MTOR: variants seen among roughly 807,000 people sequenced by gnomAD.
MTOR encodes serine/threonine-protein kinase mTOR.
A neutral mutation model predicts 319.8 loss-of-function variants in MTOR; 70 were observed. The observed-to-expected ratio is 0.22, with a 90% CI of 0.18 to 0.27. The LOEUF is 0.27. Among genes scored for constraint, MTOR ranks in the 10% least tolerant of loss-of-function variants. The pLI is 1.00. For missense variants in MTOR, 1,890 were observed against 3,274.4 expected (o/e 0.58, Z 10.32); for synonymous variants, 1,183 against 1,211.4 (o/e 0.98, Z 0.49).
intron 46 of MTOR, 98 bp from the exon 47 acceptor site, chr1:11,124,731 G>T: frequency 2.3e-6 from 3 of 1,312,004 alleles, no homozygotes; most frequent in Non-Finnish European, 2.1e-6. Context: ...GACTACATAT[G>T]CCTTACCTAA....
intron 54 of MTOR, chr1:11,111,678 A>C (rs1015285315): frequency 2.0e-5 from 3 of 153,398 alleles, no homozygotes; most frequent in Non-Finnish European, 4.3e-5. Context: ...TATTTCACGC[A>C]GGTTATGGTC....
In MTOR at chr1:11,128,093, A is replaced by T. The variant is rs2100414047; in HGVS notation, c.5944T>A (p.Ser1982Thr). ...LIYPLTVASK[S>T]TTTARHNAAN... ...GCATTGTGCCGGGCTGTCGTGGTAGACTTAGAAGCCACTGTCAGTGGGTAG... is the reference window on the plus strand; with the variant it reads ...GCATTGTGCCGGGCTGTCGTGGTAGTCTTAGAAGCCACTGTCAGTGGGTAG... Residue 1982 changes from serine (S) to threonine (T), a missense_variant, in exon 43 of 58, where the codon TCT (serine) becomes ACT (threonine). Transcript: ENST00000361445. This position sits in a 1 kb window ranked among gnomAD's most constrained non-coding sequence, Gnocchi z 5.3. The T allele has an allele frequency of 6.2e-7, 1 of 1,614,172 alleles. No homozygotes were observed. Among genetic ancestry groups the T allele is most frequent in the Non-Finnish European group, 8.5e-7 (1 of 1,180,022 alleles).
rs199814022 is a variant in MTOR at position 11,134,505 on chromosome 1, T to C, written c.5131-39A>G. 3 of 1,587,644 alleles carry C rather than the reference T, an allele frequency of 1.9e-6. No individual in the cohort carries two copies. The African/African-American group carries it at 4.0e-5, about 21-fold the overall frequency. On this transcript the variant is annotated intron_variant, in intron 36 of 57. Coordinates refer to ENST00000361445, the MANE Select transcript of MTOR (RefSeq NM_004958.4). ...AAGGCACAGAGAGCCACTTGGCTTG[T>C]GGCCCAGCTTCAGAGGAAGGGAGCT...
At chr1:11,122,452 C>T (rs867014800) in intron 47 of MTOR, among the ~76,000 whole-genome samples, 118 of 150,762 alleles carry the variant, frequency 7.8e-4, no homozygotes, top group Middle Eastern at 6.9e-3. Flanking sequence ...CCGCCTGCCT[C>T]GGCCTCCCAA....
chr1:11,223,042 A>C (rs1464466940), intron 19 of MTOR, among the ~76,000 whole-genome samples: 1 of 152,158 alleles, frequency 6.6e-6, no homozygotes, highest in Non-Finnish European at 1.5e-5. Context: ...AAAGAACAGA[A>C]CCTGAATCTA....
At chr1:11,197,628 A>G (rs1207846144) in intron 28 of MTOR, among the ~76,000 whole-genome samples, 2 of 152,114 alleles carry the variant, frequency 1.3e-5, no homozygotes, top group East Asian at 3.9e-4. Context: ...TGCAACCTCC[A>G]CCTCCCAGGT....
Position 11,108,197 on chromosome 1 carries a change from G to A in MTOR, c.7618C>T (p.Gln2540Ter). Residue 2540 changes from glutamine (Q) to a stop codon, truncating the protein, a stop_gained, in exon 57 of 58, where the codon CAG (glutamine) becomes TAG (stop). Transcript: ENST00000361445. LOFTEE classifies it high-confidence loss of function. ...CCCACTCACCAGCCAATATAGCACTGGCAGAGGTTTTCATGGGATGTCGCT... is the reference window on the plus strand; with the variant it reads ...CCCACTCACCAGCCAATATAGCACTAGCAGAGGTTTTCATGGGATGTCGCT... ...KQATSHENLC[Q>*]CYIGWCPFW The A allele has an allele frequency of 6.2e-7, 1 of 1,613,682 alleles. No individual in the cohort carries two copies. The highest frequency in any genetic ancestry group is 8.5e-7 in the Non-Finnish European group (1 of 1,179,694).
In MTOR at chr1:11,140,701, A is replaced by G. The variant is rs367664142; in HGVS notation, c.4873-1043T>C. Among the ~76,000 whole-genome samples, 50 of 152,338 alleles carry G rather than the reference A, an allele frequency of 3.3e-4. No homozygotes were observed. In the South Asian group the frequency reaches 8.3e-3, roughly 25 times the overall value. On this transcript the variant is annotated intron_variant, in intron 34 of 57. Transcript: ENST00000361445. ...GGAATAAAAATAGTACCAGTTTCAT[A>G]GGGATACGGTGAGGATTAAATAAAT...
At chr1:11,155,736 T>C (rs895957318) in intron 30 of MTOR, among the ~76,000 whole-genome samples, 1 of 152,218 alleles carries the variant, frequency 6.6e-6, no homozygotes, top group Non-Finnish European at 1.5e-5. Flanking sequence ...GGCTCCTTTG[T>C]TGATGGTATC....
intron 30 of MTOR, among the ~76,000 whole-genome samples, chr1:11,155,105 T>C (rs1462884155): frequency 2.6e-5 from 4 of 152,210 alleles, no homozygotes; most frequent in Admixed American, 2.6e-4. Flanking sequence ...AAGACTTGCT[T>C]TGATTTTGTC....
intron 36 of MTOR, among the ~76,000 whole-genome samples, chr1:11,138,689 G>A (rs1322601377): frequency 2.0e-5 from 3 of 152,196 alleles, no homozygotes; most frequent in Non-Finnish European, 4.4e-5. Context: ...AGCCAAAGCA[G>A]GTGATGACTT....
At chr1:11,193,754 C>T (rs1208039853) in intron 28 of MTOR, 13 of 1,614,164 alleles carry the variant, frequency 8.1e-6, no homozygotes, top group Non-Finnish European at 9.3e-6. Flanking sequence ...ACAGCCAACC[C>T]GGCTGCGTGT....
chr1:11,210,876 C>CT lies in MTOR; in HGVS notation c.3591dup (p.Val1198SerfsTer13). 1 of 1,613,744 alleles carries CT rather than the reference C, an allele frequency of 6.2e-7. No individual in the cohort carries two copies. Among genetic ancestry groups the CT allele is most frequent in the Admixed American group, 1.7e-5 (1 of 59,970 alleles). ...TGATTGATTCGGTGTCGCACCAGAA[C>CT]TTTATTCACCATTGGAATGAAAATT... On this transcript the variant is annotated frameshift_variant, in exon 24 of 58. Transcript: ENST00000361445. LOFTEE classifies it high-confidence loss of function.
At chr1:11,159,509 T>A (rs1644409673) in intron 29 of MTOR, among the ~76,000 whole-genome samples, 1 of 151,970 alleles carries the variant, frequency 6.6e-6, no homozygotes, top group Non-Finnish European at 1.5e-5. Flanking sequence ...AGCGTGGTGG[T>A]GCATGCCTGT....
rs766146018 is a variant in MTOR, at chr1:11,199,465, G to T, written c.4108-62C>A. ...GCAGATGGGGCACAAACAAGAGAAG[G>T]CTGTGTGGATGCTTCTCTCCTCCCA... On this transcript the variant is annotated intron_variant, in intron 27 of 57. Transcript: ENST00000361445. This position sits in a 1 kb window ranked among gnomAD's most constrained non-coding sequence, Gnocchi z 4.5. The T allele has an allele frequency of 6.2e-7, 1 of 1,613,586 alleles. No homozygotes were observed. Among genetic ancestry groups the T allele is most frequent in the Non-Finnish European group, 8.5e-7 (1 of 1,179,534 alleles).
rs745558220 is a variant in MTOR at position 11,231,311 on chromosome 1, T to C, written c.2638A>G (p.Thr880Ala). Residue 880 changes from threonine (T) to alanine (A), a missense_variant, in exon 17 of 58, where the codon ACA (threonine) becomes GCA (alanine). Transcript: ENST00000361445. ...GCCACGTCCCCTACCTCTCTGCGTG[T>C]ACCCTGGTTCTGCTCAGTCTTCAGA... ...NFLKTEQNQGTRREAIRVLGL... is the reference protein window; with the variant it reads ...NFLKTEQNQGARREAIRVLGL... The C allele has an allele frequency of 1.9e-6, 3 of 1,614,116 alleles. No individual in the cohort carries two copies. Among genetic ancestry groups the C allele is most frequent in the Admixed American group, 3.3e-5 (2 of 60,024 alleles).
intron 36 of MTOR, among the ~76,000 whole-genome samples, chr1:11,138,349 T>C (rs1228477312): frequency 6.6e-6 from 1 of 152,162 alleles, no homozygotes; most frequent in Non-Finnish European, 1.5e-5. Flanking sequence ...AGCTGCATAT[T>C]TGAAGAAGGA....
In MTOR at chr1:11,106,564, G is replaced by C; in HGVS notation, c.*921C>G. On this transcript the variant is annotated 3_prime_UTR_variant, in exon 58 of 58. Transcript: ENST00000361445. ...TTTAAAATTCTGATGTCATTTATTG[G>C]CACAAAAATTATTCTGATACAACAT... The C allele has an allele frequency of 9.4e-7, 1 of 1,068,456 alleles. No individual in the cohort carries two copies. Among genetic ancestry groups the C allele is most frequent in the Non-Finnish European group, 1.1e-6 (1 of 879,598 alleles). The allele number at this position is 1,068,456 out of a possible 1,614,324, so 66.2% of individuals were successfully genotyped here. A position where few individuals can be genotyped will look rare whatever the true frequency, so the allele number is the denominator to read the frequency against.
At chr1:11,143,126 CTGAG>C (rs1643794839) in intron 34 of MTOR, among the ~76,000 whole-genome samples, 1 of 152,196 alleles carries the variant, frequency 6.6e-6, no homozygotes, top group Non-Finnish European at 1.5e-5. Flanking sequence ...AAAAAGTACA[CTGAG>C]TGATTGTTTT....
Sources: allele counts gnomAD v4.1 joint callset (sites outside exome capture counted in the v4.1 genomes callset), GRCh38; gene constraint gnomAD v4.1.1; non-coding constraint Gnocchi (gnomAD v3.1); transcripts MANE v1.5; gene names NCBI Gene and HGNC (gene_info 2026-07-23, HGNC 2026-07-21).